ANK3: variants seen among roughly 807,000 people sequenced by gnomAD.
The protein encoded by ANK3 is ankyrin-3.
ANK3 carries 57 observed loss-of-function variants against 370.9 expected under a neutral mutation model. The ratio of observed to expected loss-of-function variants is 0.15; its 90% confidence interval spans 0.12 to 0.19. The LOEUF (loss-of-function observed/expected upper bound fraction) is 0.19. ANK3 is among the 10% of genes least tolerant of loss of function. ANK3 has a pLI of 1.00. For missense variants in ANK3, 4,439 were observed against 5,302.1 expected, an observed-to-expected ratio of 0.84 and a Z score of 5.06; for synonymous variants, 1,929 against 1,946.3, an observed-to-expected ratio of 0.99 and a Z score of 0.23.
intron 2 of ANK3, among the ~76,000 whole-genome samples, chr10:60,589,152 G>T (rs2077875591): frequency 6.6e-6 from 1 of 152,142 alleles, no homozygotes; most frequent in South Asian, 2.1e-4. Flanking sequence ...TAAGGATACT[G>T]AAATTACTTA....
intron 12 of ANK3, 148 bp from the exon 13 acceptor site, chr10:60,200,375 T>A (rs1038591009): frequency 2.8e-6 from 2 of 704,646 alleles, no homozygotes; most frequent in African/African-American, 3.5e-5. Flanking sequence ...ATCAAATGCA[T>A]GAGAATTTCA....
In ANK3 at chr10:60,259,439, G is replaced by A. The variant is rs189284831; in HGVS notation, c.798+2420C>T. ...AAATGCATTTCTGAATCAGTGAAAA[G>A]TCTGAATTTTAACATATTTTAAACA... is the stretch of plus-strand genomic sequence containing the variant. On this transcript the variant is annotated intron_variant, in intron 7 of 43. Transcript: ENST00000280772. Among the ~76,000 whole-genome samples, 240 of 152,300 alleles carry A rather than the reference G, an allele frequency of 1.6e-3. 1 individual carries two copies. Among genetic ancestry groups the A allele is most frequent in the African/African-American group, 5.5e-3 (229 of 41,564 alleles).
At chr10:60,695,851 C>G (rs183991113) in intron 1 of ANK3, among the ~76,000 whole-genome samples, 5,846 of 151,752 alleles carry the variant, frequency 0.039, 147 homozygotes, top group Middle Eastern at 0.071. Flanking sequence ...ACTAGAAAAG[C>G]AAGAGCAAAC....
At chr10:60,280,337 G>T (rs967062341) in intron 1 of ANK3, among the ~76,000 whole-genome samples, 4 of 152,126 alleles carry the variant, frequency 2.6e-5, no homozygotes, top group African/African-American at 9.7e-5. Context: ...GGGATTATAG[G>T]CATGATCCCA....
rs114406685 is a variant in ANK3, at chr10:60,310,049, C to T, written c.115-30410G>A. ...CAAGTAATCTTCCTGCTTCAGCTTC[C>T]CAAATGGCTAGGAGTACAGTTATGT... On this transcript the variant is annotated intron_variant, in intron 1 of 43. Transcript: ENST00000280772. Among the ~76,000 whole-genome samples, 218 of 151,886 alleles carry T rather than the reference C, an allele frequency of 1.4e-3. 1 individual carries two copies. The highest frequency in any genetic ancestry group is 5.2e-3 in the African/African-American group (215 of 41,436).
chr10:60,062,827 T>G, intron 40 of ANK3: 1 of 228,718 alleles, frequency 4.4e-6, no homozygotes, highest in Non-Finnish European at 8.4e-6. Context: ...CAATGCATTC[T>G]CTAGATATTT....
intron 43 of ANK3, among the ~76,000 whole-genome samples, chr10:60,040,362 G>A (rs7072028): frequency 0.047 from 7,076 of 151,632 alleles, 557 homozygotes; most frequent in African/African-American, 0.16. Context: ...TGATTTTTCC[G>A]GAGCACATAC....
chr10:60,079,281 G>A (rs575091479), intron 36 of ANK3, among the ~76,000 whole-genome samples: 1 of 151,612 alleles, frequency 6.6e-6, no homozygotes, highest in South Asian at 2.1e-4. Context: ...ATGTTTCTGG[G>A]AGGATTTCGA....
intron 1 of ANK3, among the ~76,000 whole-genome samples, chr10:60,726,948 T>G (rs2893860): frequency 0.3 from 45,977 of 151,708 alleles, 7,274 homozygotes; most frequent in South Asian, 0.47. Flanking sequence ...TTTAAAAAAT[T>G]CTCAGATTAA....
intron 4 of ANK3, among the ~76,000 whole-genome samples, chr10:60,274,035 G>C (rs80101495): frequency 6.6e-6 from 1 of 152,084 alleles, no homozygotes; most frequent in African/African-American, 2.4e-5. Context: ...GTGTGTAGTC[G>C]TGTGATTATA....
chr10:60,246,547 C>G (rs1002927051), intron 7 of ANK3, among the ~76,000 whole-genome samples: 3 of 152,198 alleles, frequency 2.0e-5, no homozygotes, highest in Non-Finnish European at 4.4e-5. Context: ...GAGAGACCAA[C>G]TAATCCCATT....
chr10:60,069,814 G>C lies in ANK3; in HGVS notation c.11067C>G (p.Ser3689Arg), dbSNP rs141012790. 1 of 1,614,072 alleles carries C rather than the reference G, an allele frequency of 6.2e-7. No individual in the cohort carries two copies. The highest frequency in any genetic ancestry group is 1.1e-5 in the South Asian group (1 of 91,072). ...TVEPNPSIPTSGECQEGTSSS... is the reference protein window; with the variant it reads ...TVEPNPSIPTRGECQEGTSSS... ...TGGATGTGCCTTCCTGACACTCTCC[G>C]CTGGTCGGGATGCTGGGGTTAGGTT... is the stretch of plus-strand genomic sequence containing the variant. The change falls in exon 37 of 44, where the codon AGC becomes AGG. Residue 3689 changes from serine to arginine, a missense_variant. By Grantham distance (110) the Ser-to-Arg change is moderately radical. This residue lies in a region of ANK3 where 496 missense variants were observed against 529.3 expected (regional missense o/e 0.94). Transcript: ENST00000280772.
intron 1 of ANK3, among the ~76,000 whole-genome samples, chr10:60,660,934 A>ACACACACACACACC (rs373156861): frequency 7.1e-4 from 108 of 151,852 alleles, no homozygotes; most frequent in Middle Eastern, 3.4e-3. Context: ...ACACACACAC[A>ACACACACACACACC]CCCCACATCT....
intron 2 of ANK3, among the ~76,000 whole-genome samples, chr10:60,483,559 A>C (rs1351519220): frequency 6.6e-6 from 1 of 152,198 alleles, no homozygotes; most frequent in African/African-American, 2.4e-5. Flanking sequence ...GGTTCTGTTC[A>C]GCTCTTTTTG....
At position 60,080,520 on chromosome 10, in the gene ANK3, T is replaced by A. The variant is rs1276906526; in HGVS notation, c.4432+17A>T. 6.2e-7 allele frequency: 1 copy of A among 1,604,650 alleles called. No individual in the cohort carries two copies. Among genetic ancestry groups the A allele is most frequent in the East Asian group, 2.2e-5 (1 of 44,730 alleles). On this transcript the variant is annotated intron_variant, in intron 36 of 43. Coordinates refer to ENST00000280772, the MANE Select transcript of ANK3 (RefSeq NM_020987.5). Reference sequence around the variant, plus strand: ...ATGAAAATCCACGTAGATTAGTAAATGTGTTAGGAAACTCACTCATTCCAG... The same window carrying A: ...ATGAAAATCCACGTAGATTAGTAAAAGTGTTAGGAAACTCACTCATTCCAG...
chr10:60,600,255 C>T (rs2078042366), intron 2 of ANK3, among the ~76,000 whole-genome samples: 1 of 152,156 alleles, frequency 6.6e-6, no homozygotes, highest in African/African-American at 2.4e-5. Flanking sequence ...ATTTAATCAA[C>T]ATTTGTTTAA....
chr10:60,693,360 C>T lies in ANK3; in HGVS notation c.57+39903G>A, dbSNP rs553973270. Among the ~76,000 whole-genome samples, 112 of 152,366 alleles carry T rather than the reference C, an allele frequency of 7.4e-4. No individual in the cohort carries two copies. In the East Asian group the frequency reaches 0.021, roughly 28 times the overall value. On this transcript the variant is annotated intron_variant, in intron 1 of 43. Transcript: ENST00000373827. The stretch of plus-strand genomic sequence containing the variant: ...CATTGCCCAGGCTTGCTTAGGTAAA[C>T]AAAGCAGCCTGGAAGCTCGAACTGG...
intron 2 of ANK3, among the ~76,000 whole-genome samples, chr10:60,464,215 G>A (rs932708241): frequency 1.1e-4 from 16 of 152,104 alleles, no homozygotes; most frequent in African/African-American, 3.9e-4. Flanking sequence ...ATCAAGAGGT[G>A]AGAAAAATGT....
intron 32 of ANK3, 75 bp from the exon 33 acceptor site, chr10:60,083,692 C>A (rs1162712744): frequency 1.5e-5 from 19 of 1,287,300 alleles, no homozygotes; most frequent in Non-Finnish European, 1.4e-5. Flanking sequence ...TGTCACGTAA[C>A]GTTAAAAGAC....
Sources: gnomAD v4.1 joint callset for allele counts (sites outside exome capture counted in the v4.1 genomes callset) on GRCh38, gnomAD v4.1.1 for gene constraint, gnomAD v4.1.1 regional missense constraint, MANE v1.5 for transcripts, NCBI Gene and HGNC (gene_info 2026-07-23, HGNC 2026-07-21) for gene names.